The following NFAT5 variants were observed in gnomAD, a reference collection of about 807,000 sequenced individuals.
The protein encoded by NFAT5 is nuclear factor of activated T-cells 5.
A neutral mutation model predicts 166.5 loss-of-function variants in NFAT5; 31 were observed. The observed-to-expected ratio is 0.19, with a 90% CI of 0.14 to 0.25. NFAT5 has a LOEUF of 0.25. Ranked by LOEUF, NFAT5 falls within the 10% of genes least tolerant of loss-of-function variation. The pLI, the probability that NFAT5 is intolerant of heterozygous loss-of-function variation, is 1.00. For synonymous variants in NFAT5, 612 were observed against 639.7 expected (o/e 0.96, Z 0.65); for missense variants, 1,449 against 1,821.8 (o/e 0.80, Z 3.72).
At position 69,700,334 on chromosome 16, in the gene NFAT5, G is replaced by A. The variant is rs957258904; in HGVS notation, c.*3983G>A. On this transcript the variant is annotated 3_prime_UTR_variant, in exon 15 of 15. Coordinates refer to ENST00000349945, the MANE Select transcript of NFAT5 (RefSeq NM_138713.4). ...TCAGCTAATCTACCTAGGAAAAATA[G>A]TATCAAAGGAAATGAGAAAGTTGTA... The A allele has an allele frequency of 1.3e-5, 2 of 152,174 alleles. No individual in the cohort carries two copies. The highest frequency in any genetic ancestry group is 2.9e-5 in the Non-Finnish European group (2 of 68,032). 9.4% of individuals were successfully genotyped at this position (152,174 alleles called of 1,614,324 possible). A position where few individuals can be genotyped will look rare whatever the true frequency, so the allele number is the denominator to read the frequency against.
intron 2 of NFAT5, among the ~76,000 whole-genome samples, chr16:69,594,815 C>A (rs560135804): frequency 7.9e-5 from 12 of 152,220 alleles, no homozygotes; most frequent in Non-Finnish European, 1.3e-4. Flanking sequence ...TTGACTCACA[C>A]AATCACAAGG....
chr16:69,577,273 C>G (rs2016814583), intron 2 of NFAT5, among the ~76,000 whole-genome samples: 1 of 152,140 alleles, frequency 6.6e-6, no homozygotes, highest in Admixed American at 6.6e-5. Flanking sequence ...AGTTAACCCT[C>G]CCCCTGTGGT....
chr16:69,609,448 G>T (rs942853716), intron 2 of NFAT5, among the ~76,000 whole-genome samples: 1 of 152,130 alleles, frequency 6.6e-6, no homozygotes, highest in African/African-American at 2.4e-5. Flanking sequence ...TGAAATTCTG[G>T]TATTCCCTGT....
At position 69,691,870 on chromosome 16, in the gene NFAT5, A is replaced by T. The variant is rs1359696207; in HGVS notation, c.2045A>T (p.Gln682Leu). Reference protein sequence around the residue: ...HLPSENEKQQQIQPKAYNPET... With the variant: ...HLPSENEKQQLIQPKAYNPET... ...CCTTCTGAAAATGAAAAACAGCAGCAGATTCAGCCCAAGGCATACAACCCA... is the reference window on the plus strand; with the variant it reads ...CCTTCTGAAAATGAAAAACAGCAGCTGATTCAGCCCAAGGCATACAACCCA... The change falls in exon 13 of 15, where the codon CAG becomes CTG. Residue 682 changes from glutamine (Q) to leucine (L), a missense_variant. Transcript: ENST00000349945. The T allele has an allele frequency of 1.9e-6, 3 of 1,614,216 alleles. No homozygotes were observed. In the South Asian group the frequency reaches 3.3e-5, roughly 18 times the overall value.
At chr16:69,643,865 C>G (rs1398916592) in intron 3 of NFAT5, among the ~76,000 whole-genome samples, 1 of 152,146 alleles carries the variant, frequency 6.6e-6, no homozygotes, top group Non-Finnish European at 1.5e-5. Context: ...TTCTTACCCT[C>G]CATTTTACTA....
intron 10 of NFAT5, among the ~76,000 whole-genome samples, chr16:69,684,276 AT>A: frequency 9.1e-6 from 1 of 110,328 alleles, no homozygotes; most frequent in African/African-American, 3.8e-5. Flanking sequence ...AAAAAAAAAA[AT>A]TGGCTGGGCA....
intron 7 of NFAT5, among the ~76,000 whole-genome samples, chr16:69,662,459 T>C (rs1346153282): frequency 7.0e-6 from 1 of 143,158 alleles, no homozygotes. Context: ...TCTTTTTTTT[T>C]TTTTTTTTTT....
intron 10 of NFAT5, among the ~76,000 whole-genome samples, chr16:69,681,362 A>G (rs1284839877): frequency 2.0e-5 from 3 of 152,240 alleles, no homozygotes; most frequent in Non-Finnish European, 2.9e-5. Flanking sequence ...CTAACAAATC[A>G]TTAAGTGAAA....
At chr16:69,628,395 A>G (rs934143230) in intron 3 of NFAT5, among the ~76,000 whole-genome samples, 2 of 152,114 alleles carry the variant, frequency 1.3e-5, no homozygotes, top group Non-Finnish European at 2.9e-5. Flanking sequence ...CAAAGAGAGT[A>G]AGAAGGTAAA....
At chr16:69,620,289 A>G (rs895476112) in intron 2 of NFAT5, among the ~76,000 whole-genome samples, 2 of 152,208 alleles carry the variant, frequency 1.3e-5, no homozygotes. Context: ...TGGAGTTATT[A>G]TATCGCACTT....
At chr16:69,621,156 A>C (rs56221028) in intron 2 of NFAT5, among the ~76,000 whole-genome samples, 3 of 151,984 alleles carry the variant, frequency 2.0e-5, no homozygotes, top group Admixed American at 6.6e-5. Context: ...ATGTGAAGAG[A>C]GATGGTTTTG....
chr16:69,590,805 G>A (rs748803838), intron 2 of NFAT5, among the ~76,000 whole-genome samples: 1 of 152,236 alleles, frequency 6.6e-6, no homozygotes, highest in Non-Finnish European at 1.5e-5. Context: ...GGGGTAGAGT[G>A]TTGTGGGATT....
intron 6 of NFAT5, among the ~76,000 whole-genome samples, chr16:69,658,130 G>A (rs1312575041): frequency 6.6e-6 from 1 of 151,018 alleles, no homozygotes; most frequent in Admixed American, 6.6e-5. Context: ...AATACATATA[G>A]TAGAGGAGGA....
At chr16:69,609,016 G>A (rs1390024948) in intron 2 of NFAT5, among the ~76,000 whole-genome samples, 1 of 151,420 alleles carries the variant, frequency 6.6e-6, no homozygotes, top group Non-Finnish European at 1.5e-5. Flanking sequence ...AGCTACTCGG[G>A]AGGCTGAGGC....
At chr16:69,660,482 G>A (rs1308064529) in intron 7 of NFAT5, among the ~76,000 whole-genome samples, 2 of 152,200 alleles carry the variant, frequency 1.3e-5, no homozygotes, top group Non-Finnish European at 2.9e-5. Context: ...CAAAGCGAAA[G>A]CATTTTCTAA....
intron 2 of NFAT5, among the ~76,000 whole-genome samples, chr16:69,622,014 G>A (rs1453744803): frequency 6.6e-6 from 1 of 152,104 alleles, no homozygotes; most frequent in East Asian, 1.9e-4. Flanking sequence ...TCTTATTCAG[G>A]ATTTCTTTCA....
In NFAT5 at chr16:69,683,288, T is replaced by C. The variant is rs371228137; in HGVS notation, c.1691-1599T>C. On this transcript the variant is annotated intron_variant, in intron 10 of 14. Transcript: ENST00000349945. ...GGTTCATGCCTGTAATCCCAGCAGT[T>C]AGGGTGTCTGAGGTGGGCAGATTGC... is the stretch of plus-strand genomic sequence containing the variant. Among the ~76,000 whole-genome samples, 20 of 152,190 alleles carry C rather than the reference T, an allele frequency of 1.3e-4. 1 individual carries two copies. Among genetic ancestry groups the C allele is most frequent in the African/African-American group, 4.6e-4 (19 of 41,520 alleles).
intron 12 of NFAT5, 128 bp downstream of exon 12, chr16:69,691,216 T>C: frequency 1.3e-6 from 1 of 753,408 alleles, no homozygotes; most frequent in African/African-American, 1.8e-5. Flanking sequence ...GGGAATGCTT[T>C]ATACTTCAGC....
chr16:69,629,763 G>A (rs981128247), intron 3 of NFAT5, among the ~76,000 whole-genome samples: 1 of 142,188 alleles, frequency 7.0e-6, no homozygotes, highest in African/African-American at 2.6e-5. Context: ...TACCACACTG[G>A]GCTAATTTTT....
Sources: allele counts gnomAD v4.1 joint callset (sites outside exome capture counted in the v4.1 genomes callset), GRCh38; gene constraint gnomAD v4.1.1; transcripts MANE v1.5; gene names NCBI Gene and HGNC (gene_info 2026-07-23, HGNC 2026-07-21).